The following BACH1 variants were observed in gnomAD, a reference collection of about 807,000 sequenced individuals.
The protein encoded by BACH1 is BTB domain and CNC homolog 1.
A neutral mutation model predicts 52.9 loss-of-function variants in BACH1; 35 were observed. That is an observed-to-expected ratio of 0.66 (90% CI 0.51 to 0.88). The LOEUF is 0.88. Ranked by LOEUF, BACH1 falls within the 40% of genes least tolerant of loss-of-function variation. The probability of loss-of-function intolerance (pLI) is 0.00; values close to 1 mark genes in which losing one functional copy is unlikely to be tolerated. For synonymous variants in BACH1, 321 were observed against 319.6 expected (o/e 1.00, Z -0.05); for missense variants, 808 against 872.6 (o/e 0.93, Z 0.93).
intron 3 of BACH1, among the ~76,000 whole-genome samples, chr21:29,329,235 G>A: frequency 6.6e-6 from 1 of 152,164 alleles, no homozygotes; most frequent in Non-Finnish European, 1.5e-5. Flanking sequence ...TTGAGCCTAG[G>A]AGGTTGAGGC....
chr21:29,323,436 C>G (rs555907893), intron 2 of BACH1, among the ~76,000 whole-genome samples: 38 of 152,254 alleles, frequency 2.5e-4, no homozygotes, highest in African/African-American at 9.1e-4. Flanking sequence ...AGTCCAAAGG[C>G]CAAAGAACCT....
At position 29,301,463 on chromosome 21, in the gene BACH1, C is replaced by T. The variant is rs73897748; in HGVS notation, c.-61+2510C>T. Among the ~76,000 whole-genome samples the T allele has an allele frequency of 7.5e-3, 1,138 of 152,192 alleles. 17 individuals carry two copies. The highest frequency in any genetic ancestry group is 0.026 in the African/African-American group (1,087 of 41,514). On this transcript the variant is annotated intron_variant, in intron 1 of 4. Coordinates refer to ENST00000286800, the MANE Select transcript of BACH1 (RefSeq NM_001186.4). ...GTTTCCTCCTAAGAGTTCTTTCAGA[C>T]TGTTAATATTCCATTTAAGTTTTAT...
chr21:29,356,190 G>T (rs558162791), intron 2 of BACH1, among the ~76,000 whole-genome samples: 97 of 152,308 alleles, frequency 6.4e-4, no homozygotes, highest in Admixed American at 1.4e-3. Flanking sequence ...GTATGGCTCT[G>T]CACTGACGGA....
chr21:29,319,763 T>C (rs991847748), intron 1 of BACH1, among the ~76,000 whole-genome samples: 20 of 149,298 alleles, frequency 1.3e-4, no homozygotes, highest in African/African-American at 5.0e-4. Context: ...TGGTCAGCCA[T>C]GGAGTCCGGC....
At chr21:29,322,089 A>G (rs1473182238) in intron 2 of BACH1, among the ~76,000 whole-genome samples, 3 of 152,204 alleles carry the variant, frequency 2.0e-5, no homozygotes, top group Non-Finnish European at 4.4e-5. Flanking sequence ...AAACCATCAC[A>G]TCTCGTGAGA....
chr21:29,299,729 A>T (rs943786941), intron 1 of BACH1: 1 of 152,120 alleles, frequency 6.6e-6, no homozygotes, highest in Non-Finnish European at 1.5e-5. Context: ...GCTTTTATGG[A>T]GTGAGGCTTC....
At chr21:29,336,181 C>G (rs1262227987) in intron 4 of BACH1, among the ~76,000 whole-genome samples, 1 of 152,122 alleles carries the variant, frequency 6.6e-6, no homozygotes, top group East Asian at 1.9e-4. Flanking sequence ...ATGACAATAA[C>G]TTTTTGAAGT....
At chr21:29,302,191 G>A (rs1401688191) in intron 1 of BACH1, among the ~76,000 whole-genome samples, 1 of 152,210 alleles carries the variant, frequency 6.6e-6, no homozygotes, top group Non-Finnish European at 1.5e-5. Flanking sequence ...TTTATTTTAT[G>A]TGGTGGAACG....
At chr21:29,300,519 G>T (rs2088591592) in intron 1 of BACH1, among the ~76,000 whole-genome samples, 1 of 152,206 alleles carries the variant, frequency 6.6e-6, no homozygotes, top group Non-Finnish European at 1.5e-5. Context: ...CAATAGCACT[G>T]AGGCGGGTTT....
intron 1 of BACH1, among the ~76,000 whole-genome samples, chr21:29,310,633 A>G (rs565596837): frequency 3.3e-5 from 5 of 152,334 alleles, no homozygotes; most frequent in Admixed American, 1.3e-4. Flanking sequence ...AGTGTGTGCA[A>G]AGAAGAAACC....
At chr21:29,331,281 T>C (rs191857820) in intron 4 of BACH1, among the ~76,000 whole-genome samples, 124 of 152,350 alleles carry the variant, frequency 8.1e-4, no homozygotes, top group African/African-American at 2.9e-3. Context: ...GTTATGCTTC[T>C]TAGTTCTTTT....
intron 2 of BACH1, among the ~76,000 whole-genome samples, chr21:29,324,431 G>T (rs1464479795): frequency 6.6e-6 from 1 of 151,848 alleles, no homozygotes; most frequent in African/African-American, 2.4e-5. Context: ...TATATAAATG[G>T]AATTATGCAG....
chr21:29,358,613 G>A (rs866401702), intron 2 of BACH1, among the ~76,000 whole-genome samples: 20 of 152,100 alleles, frequency 1.3e-4, no homozygotes, highest in Non-Finnish European at 2.1e-4. Flanking sequence ...GGTGGAGGGC[G>A]CCTGTAATCC....
rs1041750657 is a variant in BACH1 at position 29,332,879 on chromosome 21, G to T, written c.1776+3186G>T. ...AGTCAAGACCCTCCTTTCTGGGCAG[G>T]CACAGCAGACATCTGATAGTGTCTC... is the stretch of plus-strand genomic sequence containing the variant. On this transcript the variant is annotated intron_variant, in intron 4 of 4. Coordinates refer to ENST00000286800, the MANE Select transcript of BACH1 (RefSeq NM_001186.4). 8.5e-5 allele frequency among the ~76,000 whole-genome samples: 13 copies of T among 152,160 alleles called. No homozygotes were observed. In the South Asian group the frequency reaches 1.0e-3, roughly 12 times the overall value.
chr21:29,306,005 T>C (rs2088652599), intron 1 of BACH1, among the ~76,000 whole-genome samples: 1 of 152,216 alleles, frequency 6.6e-6, no homozygotes, highest in South Asian at 2.1e-4. Flanking sequence ...CCACAGACTA[T>C]TAAAAGCCTA....
In BACH1 at chr21:29,345,046, T is replaced by C. The variant is rs539028745; in HGVS notation, c.*2213T>C. On this transcript the variant is annotated 3_prime_UTR_variant, in exon 5 of 5. Coordinates refer to ENST00000286800, the MANE Select transcript of BACH1 (RefSeq NM_001186.4). ...GTTTCTATTAATGACACAGAATTAT[T>C]GGCCAAGTGTAATTTCTTAAAATTT... is the stretch of plus-strand genomic sequence containing the variant. The C allele has an allele frequency of 6.5e-6, 1 of 152,770 alleles. No homozygotes were observed. Among genetic ancestry groups the C allele is most frequent in the South Asian group, 2.1e-4 (1 of 4,830 alleles). 9.5% of individuals were successfully genotyped at this position (152,770 alleles called of 1,614,324 possible). A position where few individuals can be genotyped will look rare whatever the true frequency, so the allele number is the denominator to read the frequency against.
intron 2 of BACH1, 131 bp downstream of exon 2, chr21:29,321,645 CTTTT>C: frequency 4.6e-5 from 23 of 504,894 alleles, no homozygotes; most frequent in African/African-American, 1.1e-4. Context: ...TGTGCAACCC[CTTTT>C]TTTTTTTTTT....
intron 1 of BACH1, among the ~76,000 whole-genome samples, chr21:29,315,929 G>A (rs1208098927): frequency 1.3e-5 from 2 of 151,864 alleles, no homozygotes; most frequent in African/African-American, 4.8e-5. Context: ...ACACTTGTAG[G>A]AAGAACATTT....
rs994956714 is a variant in BACH1 at position 29,334,350 on chromosome 21, G to A, written c.1776+4657G>A. Among the ~76,000 whole-genome samples the A allele has an allele frequency of 1.1e-4, 17 of 152,144 alleles. 1 individual carries two copies. The East Asian group carries it at 2.3e-3, about 21-fold the overall frequency. On this transcript the variant is annotated intron_variant, in intron 4 of 4. Coordinates refer to ENST00000286800, the MANE Select transcript of BACH1 (RefSeq NM_001186.4). ...CCTGACCTCTTGATCCGCCCGCCTC[G>A]GCCTCCCAAAGTGCTGGGATTATAG...
Sources: gnomAD v4.1 joint callset for allele counts (sites outside exome capture counted in the v4.1 genomes callset) on GRCh38, gnomAD v4.1.1 for gene constraint, MANE v1.5 for transcripts, NCBI Gene and HGNC (gene_info 2026-07-23, HGNC 2026-07-21) for gene names.